Variants in GALNT13 observed in about 807,000 individuals in gnomAD.
The protein encoded by GALNT13 is polypeptide N-acetylgalactosaminyltransferase 13.
A neutral mutation model predicts 64.2 loss-of-function variants in GALNT13; 28 were observed. That is an observed-to-expected ratio of 0.44 (90% CI 0.32 to 0.60). The LOEUF (loss-of-function observed/expected upper bound fraction) is 0.60, where lower values mean the gene tolerates loss of function less well. GALNT13 is among the 20% of genes least tolerant of loss of function. The pLI is 0.05. For missense variants in GALNT13, 577 were observed against 669.8 expected, an observed-to-expected ratio of 0.86 and a Z score of 1.53; for synonymous variants, 214 against 224.6, an observed-to-expected ratio of 0.95 and a Z score of 0.42.
the GALNT13 span, among the ~76,000 whole-genome samples, chr2:153,418,027 G>A: frequency 6.6e-6 from 1 of 152,164 alleles, no homozygotes; most frequent in African/African-American, 2.4e-5. Flanking sequence ...CAGCAAAATG[G>A]CCTTCCAAAG....
intron 4 of GALNT13, among the ~76,000 whole-genome samples, chr2:154,230,641 T>A (rs1688865417): frequency 6.6e-6 from 1 of 152,164 alleles, no homozygotes; most frequent in Non-Finnish European, 1.5e-5. Context: ...TATATGATTG[T>A]TATTTATTTA....
At chr2:153,141,536 T>C in the GALNT13 span, among the ~76,000 whole-genome samples, 3 of 152,030 alleles carry the variant, frequency 2.0e-5, no homozygotes, top group Non-Finnish European at 4.4e-5. Context: ...GGTGGGGAGA[T>C]GCTGCAGTTC....
At chr2:153,123,178 T>C in the GALNT13 span, among the ~76,000 whole-genome samples, 3 of 151,974 alleles carry the variant, frequency 2.0e-5, no homozygotes, top group Admixed American at 1.3e-4. Context: ...GAGAGATGCA[T>C]CTGCAAGCTA....
At chr2:154,440,154 C>T (rs539475247) in intron 12 of GALNT13, among the ~76,000 whole-genome samples, 1 of 152,014 alleles carries the variant, frequency 6.6e-6, no homozygotes, top group African/African-American at 2.4e-5. Context: ...TGTTACTGTT[C>T]CGTTTCTACC....
At chr2:153,652,299 A>T in the GALNT13 span, among the ~76,000 whole-genome samples, 1 of 152,150 alleles carries the variant, frequency 6.6e-6, no homozygotes, top group Non-Finnish European at 1.5e-5. Context: ...TAAACTTGAT[A>T]ATTTTATGAA....
the GALNT13 span, among the ~76,000 whole-genome samples, chr2:153,672,665 A>T: frequency 6.6e-6 from 1 of 152,172 alleles, no homozygotes; most frequent in Non-Finnish European, 1.5e-5. Context: ...GAGCAAACAA[A>T]TTCAACAGCT....
At chr2:153,507,427 C>T in the GALNT13 span, among the ~76,000 whole-genome samples, 13 of 152,036 alleles carry the variant, frequency 8.6e-5, no homozygotes, top group Middle Eastern at 6.8e-3. Context: ...ACTACAGGCC[C>T]GTGCCACGAT....
chr2:153,639,148 A>G, the GALNT13 span, among the ~76,000 whole-genome samples: 1 of 152,190 alleles, frequency 6.6e-6, no homozygotes, highest in African/African-American at 2.4e-5. Context: ...GGTGATTGCA[A>G]TGATGGTACA....
intron 9 of GALNT13, among the ~76,000 whole-genome samples, chr2:154,350,516 T>A (rs1696333809): frequency 6.6e-6 from 1 of 152,228 alleles, no homozygotes; most frequent in African/African-American, 2.4e-5. Context: ...CACTGTCAGC[T>A]TCCCTACTTT....
chr2:154,290,136 G>T (rs1692515699), intron 8 of GALNT13, among the ~76,000 whole-genome samples: 1 of 152,256 alleles, frequency 6.6e-6, no homozygotes, highest in African/African-American at 2.4e-5. Flanking sequence ...TACTGCCGGG[G>T]CAAGTCAGGG....
the GALNT13 span, among the ~76,000 whole-genome samples, chr2:153,086,342 G>A: frequency 5.3e-5 from 8 of 152,126 alleles, no homozygotes; most frequent in African/African-American, 1.9e-4. Flanking sequence ...GAGGGGCCAG[G>A]GATGAAATGA....
chr2:153,857,838 A>T, the GALNT13 span, among the ~76,000 whole-genome samples: 1 of 152,142 alleles, frequency 6.6e-6, no homozygotes, highest in Non-Finnish European at 1.5e-5. Context: ...CAGTTTCCTC[A>T]TTAGCCAAAT....
chr2:153,286,252 A>G, the GALNT13 span, among the ~76,000 whole-genome samples: 1 of 152,278 alleles, frequency 6.6e-6, no homozygotes, highest in East Asian at 1.9e-4. Flanking sequence ...AGTACTTACC[A>G]GTAGCCAGGC....
At chr2:153,916,556 G>A (rs1689362138) in intron 2 of GALNT13, among the ~76,000 whole-genome samples, 1 of 152,100 alleles carries the variant, frequency 6.6e-6, no homozygotes, top group Admixed American at 6.6e-5. Flanking sequence ...AATACTAGCT[G>A]TGATACCTTG....
the GALNT13 span, among the ~76,000 whole-genome samples, chr2:153,193,971 C>G: frequency 2.6e-5 from 4 of 152,182 alleles, no homozygotes; most frequent in African/African-American, 9.6e-5. Context: ...TGCTGCTAGT[C>G]TGGCGGGTTC....
the GALNT13 span, among the ~76,000 whole-genome samples, chr2:153,134,829 G>A: frequency 2.0e-5 from 3 of 152,062 alleles, no homozygotes; most frequent in Non-Finnish European, 4.4e-5. Flanking sequence ...CAGCTCCTCC[G>A]TTTAAGGTAG....
chr2:153,682,450 A>C, the GALNT13 span, among the ~76,000 whole-genome samples: 2 of 151,690 alleles, frequency 1.3e-5, no homozygotes, highest in Non-Finnish European at 3.0e-5. Context: ...CAGGCTTCCA[A>C]CTGTTTACTT....
At chr2:154,367,137 T>C (rs992717105) in intron 9 of GALNT13, among the ~76,000 whole-genome samples, 22 of 148,042 alleles carry the variant, frequency 1.5e-4, no homozygotes, top group African/African-American at 5.3e-4. Flanking sequence ...TGTAGAGAGT[T>C]TCTGGTTATA....
intron 4 of GALNT13, among the ~76,000 whole-genome samples, chr2:154,236,502 A>C (rs2105858162): frequency 6.6e-6 from 1 of 152,256 alleles, no homozygotes; most frequent in East Asian, 1.9e-4. Context: ...ATATATTATC[A>C]TAGAATTAAA....
Sources: allele counts gnomAD v4.1 joint callset (sites outside exome capture counted in the v4.1 genomes callset), GRCh38; gene constraint gnomAD v4.1.1; transcripts MANE v1.5; gene names NCBI Gene and HGNC (gene_info 2026-07-23, HGNC 2026-07-21).